The following PLPBP variants were observed in gnomAD, a reference collection of about 807,000 sequenced individuals.
The protein encoded by PLPBP is pyridoxal phosphate homeostasis protein.
PLPBP carries 21 observed loss-of-function variants against 31.2 expected under a neutral mutation model. The ratio of observed to expected loss-of-function variants is 0.67; its 90% CI spans 0.48 to 0.97. The LOEUF is 0.97. Ranked by LOEUF, PLPBP falls within the 50% of genes least tolerant of loss-of-function variation. The probability of loss-of-function intolerance (pLI) is 0.00; values close to 1 mark genes in which losing one functional copy is unlikely to be tolerated. For synonymous variants in PLPBP, 124 were observed against 135.6 expected (o/e 0.91, Z 0.59); for missense variants, 308 against 354.4 (o/e 0.87, Z 1.05).
intron 6 of PLPBP, among the ~76,000 whole-genome samples, 167 bp from the exon 7 acceptor site, chr8:37,775,751 G>A (rs530588695): frequency 5.3e-5 from 8 of 152,314 alleles, no homozygotes; most frequent in African/African-American, 1.9e-4. Flanking sequence ...TAGTTTTCTC[G>A]AAAGTGGGAT....
Sources: allele counts gnomAD v4.1 joint callset (sites outside exome capture counted in the v4.1 genomes callset), GRCh38; gene constraint gnomAD v4.1.1; transcripts MANE v1.5; gene names NCBI Gene and HGNC (gene_info 2026-07-23, HGNC 2026-07-21).